Variants in LRRFIP2 observed in about 807,000 individuals in gnomAD.
LRRFIP2 encodes leucine-rich repeat flightless-interacting protein 2.
Under a neutral mutation model 125.9 loss-of-function variants are expected in LRRFIP2, and 109 were observed. The ratio of observed to expected loss-of-function variants is 0.87; its 90% CI spans 0.74 to 1.01. The LOEUF (loss-of-function observed/expected upper bound fraction) is 1.01, where lower values mean the gene tolerates loss of function less well. Ranked by LOEUF, LRRFIP2 falls within the 50% of genes least tolerant of loss-of-function variation. The pLI, the probability that LRRFIP2 is intolerant of heterozygous loss-of-function variation, is 0.00. For missense variants in LRRFIP2, 850 were observed against 862.3 expected (o/e 0.99, Z 0.18); for synonymous variants, 291 against 293.1 (o/e 0.99, Z 0.07).
chr3:37,100,125 T>C (rs2093941094), intron 15 of LRRFIP2, among the ~76,000 whole-genome samples: 1 of 151,726 alleles, frequency 6.6e-6, no homozygotes, highest in Non-Finnish European at 1.5e-5. Context: ...GCCCAGAAAA[T>C]ACTGTAGGCT....
intron 1 of LRRFIP2, among the ~76,000 whole-genome samples, chr3:37,169,091 T>A (rs2150385991): frequency 6.6e-6 from 1 of 152,344 alleles, no homozygotes; most frequent in Non-Finnish European, 1.5e-5. Flanking sequence ...CCACAGACTA[T>A]ACCATATAGT....
rs1247417228 is a variant in LRRFIP2, at chr3:37,108,159, C to T, written c.658-30G>A. ...AAAGTTTCCAAGAAGAAAGGTTTTACAACAATGATCACCTCATTATTCTAA... is the reference window on the plus strand; with the variant it reads ...AAAGTTTCCAAGAAGAAAGGTTTTATAACAATGATCACCTCATTATTCTAA... On this transcript the variant is annotated intron_variant, in intron 12 of 27. Coordinates refer to ENST00000336686, the MANE Select transcript of LRRFIP2 (RefSeq NM_006309.4). 7.2e-6 allele frequency: 11 copies of T among 1,522,774 alleles called. No homozygotes were observed. The South Asian group carries it at 9.0e-5, about 12-fold the overall frequency. The allele number at this position is 1,522,774 out of a possible 1,614,324, so 94.3% of individuals were successfully genotyped here.
intron 19 of LRRFIP2, among the ~76,000 whole-genome samples, chr3:37,077,981 T>C (rs957171915): frequency 5.9e-5 from 9 of 152,088 alleles, no homozygotes; most frequent in African/African-American, 2.2e-4. Flanking sequence ...GAAAGTAGGA[T>C]GGTAGTTGCC....
chr3:37,173,766 CAA>C (rs1424339995), intron 1 of LRRFIP2, among the ~76,000 whole-genome samples: 1 of 152,194 alleles, frequency 6.6e-6, no homozygotes, highest in Non-Finnish European at 1.5e-5. Flanking sequence ...AAACAATCCA[CAA>C]AGAGTTCTTC....
chr3:37,110,998 T>C lies in LRRFIP2; in HGVS notation c.506A>G (p.Tyr169Cys). 1 of 1,613,650 alleles carries C rather than the reference T, an allele frequency of 6.2e-7. No homozygotes were observed. Among genetic ancestry groups the C allele is most frequent in the Non-Finnish European group, 8.5e-7 (1 of 1,179,768 alleles). Residue 169 changes from tyrosine (Y) to cysteine (C), a missense_variant, in exon 9 of 28, where the codon TAC becomes TGC. Physicochemically the swap from Tyr to Cys is radical, Grantham distance 194. Coordinates refer to ENST00000336686, the MANE Select transcript of LRRFIP2 (RefSeq NM_006309.4). ...LRHSKPTSAY[Y>C]TRQSSSLYSD... ...AAAAAAGTTTAGACAAACCCGAGTG[T>C]AGTAGGCAGAGGTGGGTTTGCTATG...
chr3:37,063,259 T>C (rs1271874191), intron 24 of LRRFIP2, among the ~76,000 whole-genome samples: 3 of 152,346 alleles, frequency 2.0e-5, no homozygotes, highest in East Asian at 3.9e-4. Context: ...AATTACACTG[T>C]TCCTTTATTA....
At chr3:37,166,281 G>C (rs1408105801) in intron 1 of LRRFIP2, among the ~76,000 whole-genome samples, 1 of 152,096 alleles carries the variant, frequency 6.6e-6, no homozygotes, top group Non-Finnish European at 1.5e-5. Context: ...AGTGAGCCGA[G>C]ATTGGGCCAC....
rs1171990407 is a variant in LRRFIP2, at chr3:37,065,911, G to A, written c.1598C>T (p.Thr533Ile). The A allele has an allele frequency of 2.5e-6, 4 of 1,614,166 alleles. No individual in the cohort carries two copies. Among genetic ancestry groups the A allele is most frequent in the Non-Finnish European group, 3.4e-6 (4 of 1,180,010 alleles). The change falls in exon 23 of 28, where the codon ACT becomes ATT. Residue 533 changes from threonine to isoleucine, a missense_variant. Coordinates refer to ENST00000336686, the MANE Select transcript of LRRFIP2 (RefSeq NM_006309.4). ...TTCATGACTGACATCACCATTGGGA[G>A]TGCCATCGGGGATTATAACTAAGCC... is the stretch of plus-strand genomic sequence containing the variant. ...KHGLVIIPDG[T>I]PNGDVSHEPV... is the part of the protein sequence containing the mutation.
intron 2 of LRRFIP2, among the ~76,000 whole-genome samples, chr3:37,138,743 T>C (rs890200736): frequency 2.0e-5 from 3 of 152,212 alleles, no homozygotes; most frequent in Non-Finnish European, 4.4e-5. Flanking sequence ...TGAGATGCAG[T>C]AGGAAAACTA....
At chr3:37,108,531 C>A (rs1007156190) in intron 12 of LRRFIP2, 106 bp downstream of exon 12, 1 of 885,476 alleles carries the variant, frequency 1.1e-6, no homozygotes, top group Non-Finnish European at 1.8e-6. Context: ...ATGACTTTTT[C>A]TTTGTATATT....
intron 2 of LRRFIP2, among the ~76,000 whole-genome samples, chr3:37,135,879 C>T (rs1017353144): frequency 3.3e-5 from 5 of 152,146 alleles, no homozygotes; most frequent in Non-Finnish European, 7.3e-5. Flanking sequence ...GCTGTGTGAA[C>T]TGCTGAGGCA....
In LRRFIP2 at chr3:37,122,187, G is replaced by A. The variant is rs535517386; in HGVS notation, c.229-496C>T. 4.6e-5 allele frequency among the ~76,000 whole-genome samples: 7 copies of A among 150,584 alleles called. No homozygotes were observed. The South Asian group carries it at 1.3e-3, about 27-fold the overall frequency. On this transcript the variant is annotated intron_variant, in intron 4 of 27. Transcript: ENST00000336686. ...GCGGCGTTTGGTTTTTTGTCCTTGC[G>A]ACAGTTTGCTGAGAATGATGGTTTC...
intron 2 of LRRFIP2, among the ~76,000 whole-genome samples, chr3:37,131,068 T>C (rs534737687): frequency 1.1e-4 from 16 of 152,158 alleles, no homozygotes; most frequent in Non-Finnish European, 2.1e-4. Flanking sequence ...TAGAAATGTG[T>C]TCTGATTGAT....
rs2150033352 is a variant in LRRFIP2, at chr3:37,149,016, G to A, written c.-33C>T. On this transcript the variant is annotated 5_prime_UTR_variant, in exon 2 of 28. Coordinates refer to ENST00000336686, the MANE Select transcript of LRRFIP2 (RefSeq NM_006309.4). Reference sequence around the variant, plus strand: ...TCTTAATAGTCTTTTAACTTTGAAAGTGATTTAACTGTGTTTTCAGCCCTG... The same window carrying A: ...TCTTAATAGTCTTTTAACTTTGAAAATGATTTAACTGTGTTTTCAGCCCTG... The A allele has an allele frequency of 1.2e-6, 2 of 1,611,918 alleles. No homozygotes were observed. The highest frequency in any genetic ancestry group is 1.3e-5 in the African/African-American group (1 of 74,928).
chr3:37,139,296 TG>T (rs2095632866), intron 2 of LRRFIP2, among the ~76,000 whole-genome samples: 1 of 152,074 alleles, frequency 6.6e-6, no homozygotes, highest in African/African-American at 2.4e-5. Context: ...AAAAACAAAA[TG>T]GGTACCAATC....
intron 2 of LRRFIP2, among the ~76,000 whole-genome samples, chr3:37,140,074 A>G (rs2095654207): frequency 6.6e-6 from 1 of 152,126 alleles, no homozygotes. Flanking sequence ...CTCATCTCTT[A>G]GCTTTCTCCA....
At chr3:37,174,071 G>A (rs1198641132) in intron 1 of LRRFIP2, 1 of 152,096 alleles carries the variant, frequency 6.6e-6, no homozygotes, top group Non-Finnish European at 1.5e-5. Context: ...CAACATTAGG[G>A]AACACTCTGA....
At chr3:37,169,532 A>G (rs138791616) in intron 1 of LRRFIP2, among the ~76,000 whole-genome samples, 3 of 152,340 alleles carry the variant, frequency 2.0e-5, no homozygotes, top group Non-Finnish European at 2.9e-5. Flanking sequence ...CAGTTTGTTC[A>G]TGATTTAAGC....
At chr3:37,093,758 T>G (rs1263584568) in intron 17 of LRRFIP2, among the ~76,000 whole-genome samples, 2 of 152,208 alleles carry the variant, frequency 1.3e-5, no homozygotes, top group Non-Finnish European at 2.9e-5. Context: ...AGATGCTTTG[T>G]GATTTGGCCC....
Sources: allele counts gnomAD v4.1 joint callset (sites outside exome capture counted in the v4.1 genomes callset), GRCh38; gene constraint gnomAD v4.1.1; transcripts MANE v1.5; gene names NCBI Gene and HGNC (gene_info 2026-07-23, HGNC 2026-07-21).